Variants in GAS7 observed in about 807,000 individuals in gnomAD.
GAS7 encodes the protein growth arrest specific 7.
Under a neutral mutation model 71.1 loss-of-function variants are expected in GAS7, and 28 were observed. That is an observed-to-expected ratio of 0.39 (90% CI 0.29 to 0.54). The LOEUF (loss-of-function observed/expected upper bound fraction) is 0.54. GAS7 is among the 20% of genes least tolerant of loss of function. The pLI is 0.62. For synonymous variants in GAS7, 258 were observed against 245.8 expected, an observed-to-expected ratio of 1.05 and a Z score of -0.46; for missense variants, 436 against 627.8, an observed-to-expected ratio of 0.69 and a Z score of 3.27.
chr17:10,183,696 G>T (rs1161157891), intron 1 of GAS7, among the ~76,000 whole-genome samples: 1 of 152,192 alleles, frequency 6.6e-6, no homozygotes, highest in Non-Finnish European at 1.5e-5. Context: ...CAAAAAATTA[G>T]CCGGGCGTGG....
At chr17:10,114,826 A>G (rs1421032586) in intron 1 of GAS7, among the ~76,000 whole-genome samples, 2 of 152,066 alleles carry the variant, frequency 1.3e-5, no homozygotes, top group Non-Finnish European at 2.9e-5. Flanking sequence ...AGTTTCCTCA[A>G]TGAGAAGTCA....
intron 2 of GAS7, among the ~76,000 whole-genome samples, chr17:10,006,629 G>A (rs1335106833): frequency 6.6e-6 from 1 of 151,570 alleles, no homozygotes; most frequent in Non-Finnish European, 1.5e-5. Flanking sequence ...GTGCCCGGCC[G>A]CCCCAAATTC....
At chr17:9,960,444 CCT>C (rs1335408787) in intron 4 of GAS7, among the ~76,000 whole-genome samples, 10 of 152,246 alleles carry the variant, frequency 6.6e-5, no homozygotes, top group Non-Finnish European at 1.5e-4. Flanking sequence ...CCTGTCTCGG[CCT>C]CCCAAAGTGC....
chr17:10,020,618 A>G (rs961662686), intron 1 of GAS7, among the ~76,000 whole-genome samples: 4 of 152,216 alleles, frequency 2.6e-5, no homozygotes, highest in African/African-American at 4.8e-5. Flanking sequence ...ATGCTAAAAA[A>G]AAAACAACCA....
intron 1 of GAS7, among the ~76,000 whole-genome samples, chr17:10,131,100 T>A (rs1178867873): frequency 6.6e-6 from 1 of 152,214 alleles, no homozygotes; most frequent in East Asian, 1.9e-4. Flanking sequence ...ACGACTACTT[T>A]CTGAAACTCC....
chr17:10,147,751 C>T (rs11870887), intron 1 of GAS7, among the ~76,000 whole-genome samples: 16,190 of 152,088 alleles, frequency 0.11, 1,995 homozygotes, highest in African/African-American at 0.3. Context: ...TGATGTTTAT[C>T]GAAGCTTCCC....
intron 1 of GAS7, among the ~76,000 whole-genome samples, chr17:10,193,293 C>A (rs1597847425): frequency 6.8e-6 from 1 of 147,548 alleles, no homozygotes; most frequent in South Asian, 2.1e-4. Flanking sequence ...CCAAGGATTG[C>A]GATAGAGGTA....
chr17:9,943,207 G>A lies in GAS7; in HGVS notation c.645C>T (p.Gly215=). The part of the protein sequence containing the change: ...WADKKDPQGN[G]TVAGFELLLQ... ...GCAGTAGTTCAAACCCAGCCACGGT[G>A]CCGTTGCCTTGGGGGTCCTTCTTAT... is the stretch of plus-strand genomic sequence containing the variant. Residue 215 remains glycine (G), a synonymous_variant, in exon 7 of 14, where the codon GGC becomes GGT. Coordinates refer to ENST00000432992, the MANE Select transcript of GAS7 (RefSeq NM_201433.2). 1 of 1,611,668 alleles carries A rather than the reference G, an allele frequency of 6.2e-7. No individual in the cohort carries two copies. Among genetic ancestry groups the A allele is most frequent in the Non-Finnish European group, 8.5e-7 (1 of 1,177,708 alleles).
intron 1 of GAS7, among the ~76,000 whole-genome samples, chr17:10,106,018 T>TCCTCC (rs1567593967): frequency 6.6e-6 from 1 of 152,072 alleles, no homozygotes; most frequent in Non-Finnish European, 1.5e-5. Context: ...CTTTATCCTC[T>TCCTCC]CCTCCTGGGC....
intron 2 of GAS7, among the ~76,000 whole-genome samples, chr17:10,017,136 AT>A (rs1442495945): frequency 3.0e-4 from 31 of 103,474 alleles, no homozygotes; most frequent in Middle Eastern, 3.9e-3. Flanking sequence ...GTCTAAAAAA[AT>A]AAATAAATAA....
At chr17:10,015,849 C>G (rs1156481637) in intron 2 of GAS7, among the ~76,000 whole-genome samples, 1 of 152,136 alleles carries the variant, frequency 6.6e-6, no homozygotes, top group Non-Finnish European at 1.5e-5. Flanking sequence ...GGAAGCCTCC[C>G]CTGATTCCCC....
rs572308457 is a variant in GAS7, at chr17:9,996,611, A to G, written c.305-14727T>C. ...TATATATATGTGTGTGTGTGTGTGT[A>G]TATATACACACATATATATATATTT... is the stretch of plus-strand genomic sequence containing the variant. On this transcript the variant is annotated intron_variant, in intron 2 of 13. Coordinates refer to ENST00000432992, the MANE Select transcript of GAS7 (RefSeq NM_201433.2). Among the ~76,000 whole-genome samples, 603 of 150,126 alleles carry G rather than the reference A, an allele frequency of 4.0e-3. 2 individuals are homozygous for G. The highest frequency in any genetic ancestry group is 0.012 in the African/African-American group (493 of 40,838).
chr17:10,093,082 C>T (rs951069494), intron 1 of GAS7, among the ~76,000 whole-genome samples: 11 of 152,320 alleles, frequency 7.2e-5, no homozygotes, highest in South Asian at 4.1e-4. Flanking sequence ...TGTGCTGCTG[C>T]TCACTTATGT....
chr17:9,911,382 G>A lies in GAS7; in HGVS notation c.*5846C>T, dbSNP rs374548335. Reference sequence around the variant, plus strand: ...CACCCCACCCCGAGAGAGCACCCACGTGCCCTGACCTTACATTCCACTGCA... The same window carrying A: ...CACCCCACCCCGAGAGAGCACCCACATGCCCTGACCTTACATTCCACTGCA... On this transcript the variant is annotated 3_prime_UTR_variant, in exon 14 of 14. Coordinates refer to ENST00000432992, the MANE Select transcript of GAS7 (RefSeq NM_201433.2). This position sits in a 1 kb window ranked among gnomAD's most constrained non-coding sequence, Gnocchi z 4.0. 4 of 233,412 alleles carry A rather than the reference G, an allele frequency of 1.7e-5. No individual in the cohort carries two copies. The highest frequency in any genetic ancestry group is 5.6e-5 in the Admixed American group (1 of 17,750). 14.5% of individuals were successfully genotyped at this position (233,412 alleles called of 1,614,324 possible).
intron 1 of GAS7, among the ~76,000 whole-genome samples, chr17:10,146,425 C>T (rs2074121353): frequency 6.6e-6 from 1 of 152,114 alleles, no homozygotes; most frequent in Non-Finnish European, 1.5e-5. Context: ...AAAGTCCCCG[C>T]AAGAGTCAGG....
chr17:10,085,878 A>G (rs1240115154), intron 1 of GAS7, among the ~76,000 whole-genome samples: 1 of 152,152 alleles, frequency 6.6e-6, no homozygotes, highest in African/African-American at 2.4e-5. Flanking sequence ...AAGGTGGCAG[A>G]GCTCCTGAGT....
chr17:10,174,672 G>A (rs9902873), intron 1 of GAS7, among the ~76,000 whole-genome samples: 45,980 of 151,326 alleles, frequency 0.3, 7,435 homozygotes, highest in East Asian at 0.5. Context: ...AGCCTGGGCG[G>A]CAGAGCGAGA....
At chr17:10,153,210 A>AAAAAAAAACCAAAGCAAAAC (rs1555537829) in intron 1 of GAS7, among the ~76,000 whole-genome samples, 1 of 145,274 alleles carries the variant, frequency 6.9e-6, no homozygotes, top group African/African-American at 2.6e-5. Context: ...CCTCCGTCTC[A>AAAAAAAAACCAAAGCAAAAC]AAAAAAAAAC....
At chr17:10,084,775 T>C (rs1320223801) in intron 1 of GAS7, among the ~76,000 whole-genome samples, 3 of 152,134 alleles carry the variant, frequency 2.0e-5, no homozygotes, top group Non-Finnish European at 2.9e-5. Flanking sequence ...CCCCTTTCCC[T>C]ATATCTTAAT....
Sources: allele counts gnomAD v4.1 joint callset (sites outside exome capture counted in the v4.1 genomes callset), GRCh38; gene constraint gnomAD v4.1.1; non-coding constraint Gnocchi (gnomAD v3.1); transcripts MANE v1.5; gene names NCBI Gene and HGNC (gene_info 2026-07-23, HGNC 2026-07-21).